The following SEMA6D variants were observed in gnomAD, a reference collection of about 807,000 sequenced individuals.
The protein encoded by SEMA6D is semaphorin-6D.
A neutral mutation model predicts 106.6 loss-of-function variants in SEMA6D; 35 were observed. The ratio of observed to expected loss-of-function variants is 0.33; its 90% confidence interval spans 0.25 to 0.44. SEMA6D has a LOEUF of 0.44. Ranked by LOEUF, SEMA6D falls within the 20% of genes least tolerant of loss-of-function variation. SEMA6D has a pLI of 1.00. For synonymous variants in SEMA6D, 499 were observed against 487.7 expected (o/e 1.02, Z -0.31); for missense variants, 1,185 against 1,345.9 (o/e 0.88, Z 1.87).
chr15:47,665,978 G>GT (rs1784829569), intron 4 of SEMA6D, among the ~76,000 whole-genome samples: 1 of 152,184 alleles, frequency 6.6e-6, no homozygotes, highest in South Asian at 2.1e-4. Context: ...GGAGTTCCAG[G>GT]TTTTTTCTGT....
chr15:47,397,595 A>ATAC (rs1283823163), intron 1 of SEMA6D: 2 of 152,216 alleles, frequency 1.3e-5, no homozygotes, highest in Admixed American at 6.5e-5. Flanking sequence ...GTACATTGAT[A>ATAC]TACTATATGC....
At chr15:47,357,250 C>T (rs1158861950) in intron 1 of SEMA6D, among the ~76,000 whole-genome samples, 1 of 152,052 alleles carries the variant, frequency 6.6e-6, no homozygotes, top group Non-Finnish European at 1.5e-5. Context: ...AGGAGAATGG[C>T]ATGAACCTGG....
chr15:47,615,595 T>G (rs2076992555), intron 4 of SEMA6D, among the ~76,000 whole-genome samples: 2 of 152,184 alleles, frequency 1.3e-5, no homozygotes, highest in African/African-American at 2.4e-5. Context: ...GCAAAAAAAA[T>G]CCTTATCAAA....
chr15:47,255,924 G>A (rs1220094622), intron 1 of SEMA6D, among the ~76,000 whole-genome samples: 1 of 152,124 alleles, frequency 6.6e-6, no homozygotes, highest in Non-Finnish European at 1.5e-5. Flanking sequence ...ATATCCAGTT[G>A]CTCCAGCAGC....
intron 3 of SEMA6D, among the ~76,000 whole-genome samples, chr15:47,584,015 A>T (rs2076295713): frequency 6.6e-6 from 1 of 152,024 alleles, no homozygotes. Context: ...ATCCACAAAC[A>T]CTTCATTATC....
intron 3 of SEMA6D, among the ~76,000 whole-genome samples, chr15:47,510,682 T>A (rs2044199322): frequency 6.6e-6 from 1 of 152,170 alleles, no homozygotes; most frequent in African/African-American, 2.4e-5. Flanking sequence ...CAGCAGTAAG[T>A]GCCACAGGAA....
At chr15:47,352,973 C>T (rs1229880274) in intron 1 of SEMA6D, among the ~76,000 whole-genome samples, 1 of 152,072 alleles carries the variant, frequency 6.6e-6, no homozygotes, top group Non-Finnish European at 1.5e-5. Flanking sequence ...ACATGTGATC[C>T]TCTATACAAA....
At chr15:47,535,600 C>G (rs1287829532) in intron 3 of SEMA6D, among the ~76,000 whole-genome samples, 1 of 151,618 alleles carries the variant, frequency 6.6e-6, no homozygotes, top group Non-Finnish European at 1.5e-5. Context: ...AACAACAAAT[C>G]AGGTAAGTTG....
intron 1 of SEMA6D, among the ~76,000 whole-genome samples, chr15:47,401,887 C>T (rs376104353): frequency 6.6e-6 from 1 of 152,296 alleles, no homozygotes; most frequent in African/African-American, 2.4e-5. Flanking sequence ...TTTTTCCTTT[C>T]TAAAATATTG....
intron 1 of SEMA6D, among the ~76,000 whole-genome samples, chr15:47,289,498 CAG>C (rs2035513291): frequency 6.7e-6 from 1 of 149,082 alleles, no homozygotes; most frequent in Non-Finnish European, 1.5e-5. Flanking sequence ...TCTTCTGAAA[CAG>C]TGTAGCAACA....
chr15:47,730,302 C>A, intron 1 of SEMA6D: 1 of 1,526,110 alleles, frequency 6.6e-7, no homozygotes, highest in Non-Finnish European at 9.0e-7. Flanking sequence ...TTAGCCAAAG[C>A]GCCTTTGTCT....
intron 3 of SEMA6D, among the ~76,000 whole-genome samples, chr15:47,577,285 T>C (rs1184714810): frequency 2.0e-5 from 3 of 152,234 alleles, no homozygotes; most frequent in African/African-American, 7.2e-5. Flanking sequence ...ACCCTAGCAA[T>C]CATCATTAAT....
chr15:47,339,862 C>A (rs495852), intron 1 of SEMA6D, among the ~76,000 whole-genome samples: 150,619 of 151,916 alleles, frequency 0.99, 74,665 homozygotes, highest in Middle Eastern at 1. Flanking sequence ...TCTCCAAAAA[C>A]AGAAAGAAAG....
In SEMA6D at chr15:47,422,180, G is replaced by GCCTTCCTTCCTTCCTT. The variant is rs68039702; in HGVS notation, c.-159+9747_-159+9762dup. 5.5e-3 allele frequency among the ~76,000 whole-genome samples: 625 copies of GCCTTCCTTCCTTCCTT among 112,808 alleles called. 4 individuals are homozygous for GCCTTCCTTCCTTCCTT. Among genetic ancestry groups the GCCTTCCTTCCTTCCTT allele is most frequent in the East Asian group, 0.034 (109 of 3,248 alleles). 74.0% of individuals were successfully genotyped at this position (112,808 alleles called of 152,430 possible). On this transcript the variant is annotated intron_variant, in intron 2 of 19. Coordinates refer to the SEMA6D transcript ENST00000558014. ...TTATTTTTTGCCCGCCCGCCTGCCT[G>GCCTTCCTTCCTTCCTT]CCTTCCTTCCTTCCTTCCTTCCTTC...
chr15:47,438,604 C>T (rs560641935), intron 2 of SEMA6D, among the ~76,000 whole-genome samples: 18 of 152,062 alleles, frequency 1.2e-4, no homozygotes, highest in Middle Eastern at 6.8e-3. Context: ...GCTTCTGCCC[C>T]AGGATCTTGG....
chr15:47,771,186 T>A lies in SEMA6D; in HGVS notation c.2623T>A (p.Ser875Thr), dbSNP rs2082609802. The A allele has an allele frequency of 6.2e-7, 1 of 1,613,946 alleles. No homozygotes were observed. The highest frequency in any genetic ancestry group is 1.3e-5 in the African/African-American group (1 of 74,904). ...GAGAGATCACCGGCGTTCTGTTGAT[T>A]CCAGAAATACCCTCAATGATCTCCT... Reference protein sequence around the residue: ...SKRDHRRSVDSRNTLNDLLKH... With the variant: ...SKRDHRRSVDTRNTLNDLLKH... The change falls in exon 19 of 19, where the codon TCC becomes ACC. Residue 875 changes from serine (S) to threonine (T), a missense_variant. By Grantham distance (58) the Ser-to-Thr change is moderately conservative (BLOSUM62 1). Transcript: ENST00000536845.
intron 2 of SEMA6D, among the ~76,000 whole-genome samples, chr15:47,415,160 G>T (rs1198392148): frequency 6.6e-6 from 1 of 152,054 alleles, no homozygotes; most frequent in African/African-American, 2.4e-5. Flanking sequence ...TTGAATGAAG[G>T]CTTACAGTTG....
At chr15:47,461,237 C>T (rs1370059663) in intron 2 of SEMA6D, among the ~76,000 whole-genome samples, 5 of 151,990 alleles carry the variant, frequency 3.3e-5, no homozygotes, top group Non-Finnish European at 7.4e-5. Flanking sequence ...ACCTGCACCT[C>T]ATCATCTCAT....
At chr15:47,762,791 G>T (rs1026596971) in intron 8 of SEMA6D, among the ~76,000 whole-genome samples, 2 of 152,146 alleles carry the variant, frequency 1.3e-5, no homozygotes, top group African/African-American at 4.8e-5. Context: ...CTGTAGTTCA[G>T]TTCCCTGTAG....
Sources: allele counts gnomAD v4.1 joint callset (sites outside exome capture counted in the v4.1 genomes callset), GRCh38; gene constraint gnomAD v4.1.1; transcripts MANE v1.5; gene names NCBI Gene and HGNC (gene_info 2026-07-23, HGNC 2026-07-21).